ERGIC1: variants seen among roughly 807,000 people sequenced by gnomAD.
The protein encoded by ERGIC1 is endoplasmic reticulum-Golgi intermediate compartment protein 1.
In ERGIC1, 19 loss-of-function variants were observed where a neutral mutation model predicts 38.3. The observed-to-expected ratio is 0.50, with a 90% CI of 0.35 to 0.73. The LOEUF is 0.73. Among genes scored for constraint, ERGIC1 ranks in the 30% least tolerant of loss-of-function variants. The pLI is 0.01. For missense variants in ERGIC1, 294 were observed against 389.2 expected, an observed-to-expected ratio of 0.76 and a Z score of 2.06; for synonymous variants, 124 against 157.6, an observed-to-expected ratio of 0.79 and a Z score of 1.60.
intron 7 of ERGIC1, among the ~76,000 whole-genome samples, 175 bp from the exon 8 acceptor site, chr5:172,932,261 T>A (rs541095061): frequency 6.6e-6 from 1 of 152,066 alleles, no homozygotes; most frequent in South Asian, 2.1e-4. Flanking sequence ...ATGGATAGAG[T>A]CTCCCAATTC....
intron 1 of ERGIC1, among the ~76,000 whole-genome samples, chr5:172,870,345 C>T (rs1212635235): frequency 6.6e-6 from 1 of 152,210 alleles, no homozygotes; most frequent in Non-Finnish European, 1.5e-5. Context: ...TCTATGGACT[C>T]CACAGTTTGC....
chr5:172,847,215 G>A (rs1761300737), intron 1 of ERGIC1, among the ~76,000 whole-genome samples: 1 of 152,110 alleles, frequency 6.6e-6, no homozygotes, highest in Non-Finnish European at 1.5e-5. Context: ...CAGTGGTGGG[G>A]AGAGAAAGGA....
chr5:172,918,784 G>C (rs1242921874), intron 5 of ERGIC1, among the ~76,000 whole-genome samples: 1 of 152,206 alleles, frequency 6.6e-6, no homozygotes, highest in Non-Finnish European at 1.5e-5. Flanking sequence ...CAGGTGGGGG[G>C]TTGGTGGGGG....
chr5:172,842,121 A>T (rs1761176732), intron 1 of ERGIC1, among the ~76,000 whole-genome samples: 1 of 152,214 alleles, frequency 6.6e-6, no homozygotes, highest in Non-Finnish European at 1.5e-5. Flanking sequence ...ATCTCGGCTC[A>T]CTGCAACCTC....
Position 172,913,231 on chromosome 5 carries a change from C to T in ERGIC1, c.251-1483C>T, listed in dbSNP as rs150531169. Among the ~76,000 whole-genome samples, 561 of 152,360 alleles carry T rather than the reference C, an allele frequency of 3.7e-3. 2 individuals are homozygous for T. Among genetic ancestry groups the T allele is most frequent in the African/African-American group, 0.013 (536 of 41,574 alleles). ...CATTTAGCCCATTCTTTGTACCTGC[C>T]GCACGGCACTGGGAAGAGGGCTGTT... On this transcript the variant is annotated intron_variant, in intron 4 of 9. Coordinates refer to ENST00000393784, the MANE Select transcript of ERGIC1 (RefSeq NM_001031711.3).
At chr5:172,891,466 T>C (rs995999504) in intron 2 of ERGIC1, among the ~76,000 whole-genome samples, 3 of 150,930 alleles carry the variant, frequency 2.0e-5, no homozygotes, top group Non-Finnish European at 3.0e-5. Flanking sequence ...TGAGATGGAG[T>C]CTCGCTCTGT....
At chr5:172,920,285 A>T (rs939505176) in intron 5 of ERGIC1, 1 of 716,230 alleles carries the variant, frequency 1.4e-6, no homozygotes, top group African/African-American at 1.7e-5. Context: ...TGTGATGGCA[A>T]GGTCAGCAGC....
chr5:172,870,536 G>A (rs543471422), intron 1 of ERGIC1, among the ~76,000 whole-genome samples: 7 of 152,332 alleles, frequency 4.6e-5, no homozygotes, highest in East Asian at 1.9e-4. Context: ...GGATGCTGAC[G>A]TTTCCTGGAA....
rs1477987356 is a variant in ERGIC1, at chr5:172,846,887, C to G, written c.20+12454C>G. Among the ~76,000 whole-genome samples, 1 of 152,094 alleles carries G rather than the reference C, an allele frequency of 6.6e-6. No individual in the cohort carries two copies. Among genetic ancestry groups the G allele is most frequent in the East Asian group, 1.9e-4 (1 of 5,194 alleles). On this transcript the variant is annotated intron_variant, in intron 1 of 9. Transcript: ENST00000393784. This position sits in a 1 kb window ranked among gnomAD's most constrained non-coding sequence, Gnocchi z 4.0. Reference sequence around the variant, plus strand: ...ATCTGTTAGGTGCTTGATATCTATTCGTTACAGAAAAAAGCACCAGGATAT... The same window carrying G: ...ATCTGTTAGGTGCTTGATATCTATTGGTTACAGAAAAAAGCACCAGGATAT...
chr5:172,884,851 G>A (rs1046149686), intron 1 of ERGIC1, among the ~76,000 whole-genome samples: 1 of 152,132 alleles, frequency 6.6e-6, no homozygotes, highest in African/African-American at 2.4e-5. Flanking sequence ...CAGTGTTTGG[G>A]TATATTGAAA....
chr5:172,878,666 G>A (rs1393932813), intron 1 of ERGIC1, among the ~76,000 whole-genome samples: 1 of 152,080 alleles, frequency 6.6e-6, no homozygotes, highest in Non-Finnish European at 1.5e-5. Context: ...GGGAGAGAGT[G>A]GTATGAACTC....
At chr5:172,943,600 C>CA (rs1334958630) in intron 9 of ERGIC1, among the ~76,000 whole-genome samples, 1 of 152,198 alleles carries the variant, frequency 6.6e-6, no homozygotes, top group Non-Finnish European at 1.5e-5. Flanking sequence ...GGCAGCTGGA[C>CA]AGTGTCATCC....
chr5:172,943,178 G>GC, intron 9 of ERGIC1, among the ~76,000 whole-genome samples: 1 of 152,270 alleles, frequency 6.6e-6, no homozygotes. Flanking sequence ...AGGAGAAGGT[G>GC]CCATCTCAGA....
At chr5:172,912,772 TTTC>T (rs1346279611) in intron 4 of ERGIC1, among the ~76,000 whole-genome samples, 4 of 139,826 alleles carry the variant, frequency 2.9e-5, no homozygotes, top group Admixed American at 7.1e-5. Context: ...TCTTTCTTTC[TTTC>T]TTTTTTTTTT....
At chr5:172,843,077 C>T (rs1238556786) in intron 1 of ERGIC1, among the ~76,000 whole-genome samples, 5 of 152,282 alleles carry the variant, frequency 3.3e-5, no homozygotes, top group Admixed American at 2.0e-4. Context: ...CTCCGGGAGG[C>T]GGAGGTTGCA....
intron 5 of ERGIC1, chr5:172,922,129 C>G (rs1377910550): frequency 6.6e-6 from 1 of 152,284 alleles, no homozygotes; most frequent in Admixed American, 6.5e-5. Flanking sequence ...TGGCCATCAG[C>G]CCAGGCTGCG....
intron 3 of ERGIC1, among the ~76,000 whole-genome samples, chr5:172,907,079 G>A (rs994143679): frequency 3.3e-5 from 5 of 152,064 alleles, no homozygotes; most frequent in African/African-American, 1.2e-4. Context: ...AGCAAGTCCC[G>A]CCTGCTCTAC....
At chr5:172,882,933 G>A (rs1762320620) in intron 1 of ERGIC1, among the ~76,000 whole-genome samples, 1 of 152,076 alleles carries the variant, frequency 6.6e-6, no homozygotes, top group African/African-American at 2.4e-5. Context: ...TGATGATGAT[G>A]ATGATGATTA....
At chr5:172,887,143 A>G (rs188364053) in intron 1 of ERGIC1, among the ~76,000 whole-genome samples, 79 of 152,318 alleles carry the variant, frequency 5.2e-4, no homozygotes, top group African/African-American at 1.9e-3. Context: ...CCCTTACGCA[A>G]GGTTTCCAAG....
Sources: gnomAD v4.1 joint callset for allele counts (sites outside exome capture counted in the v4.1 genomes callset) on GRCh38, gnomAD v4.1.1 for gene constraint, Gnocchi (gnomAD v3.1) non-coding constraint, MANE v1.5 for transcripts, NCBI Gene and HGNC (gene_info 2026-07-23, HGNC 2026-07-21) for gene names.